The following GRK5 variants were observed in gnomAD, a reference collection of about 807,000 sequenced individuals.
GRK5 encodes G protein-coupled receptor kinase 5.
In GRK5, 40 loss-of-function variants were observed where a neutral mutation model predicts 78.4. The observed-to-expected ratio is 0.51, with a 90% CI of 0.40 to 0.66. The LOEUF (loss-of-function observed/expected upper bound fraction) is 0.66, where lower values mean the gene tolerates loss of function less well. GRK5 is among the 30% of genes least tolerant of loss of function. The pLI is 0.00. For missense variants in GRK5, 598 were observed against 759.9 expected (o/e 0.79, Z 2.50); for synonymous variants, 289 against 296.8 (o/e 0.97, Z 0.27).
chr10:119,406,392 A>G, intron 4 of GRK5: 1 of 911,604 alleles, frequency 1.1e-6, no homozygotes, highest in Non-Finnish European at 1.3e-6. Flanking sequence ...TCCTGCTTAG[A>G]GTCTGCCTGA....
At chr10:119,212,979 T>C (rs1343965796) in intron 1 of GRK5, 1 of 152,152 alleles carries the variant, frequency 6.6e-6, no homozygotes, top group Non-Finnish European at 1.5e-5. Context: ...AAGCTCGGCA[T>C]CAATATGGTG....
chr10:119,216,051 T>C (rs551888457), intron 1 of GRK5, among the ~76,000 whole-genome samples: 1 of 152,344 alleles, frequency 6.6e-6, no homozygotes, highest in South Asian at 2.1e-4. Context: ...AAAAACTGTT[T>C]CTTGTGAGAT....
intron 13 of GRK5, among the ~76,000 whole-genome samples, chr10:119,450,938 C>T (rs1371963389): frequency 6.6e-6 from 1 of 151,318 alleles, no homozygotes; most frequent in Non-Finnish European, 1.5e-5. Flanking sequence ...CCAGGCTGCA[C>T]GCCAACCCCC....
chr10:119,274,662 C>T (rs1480519321), intron 1 of GRK5, among the ~76,000 whole-genome samples: 4 of 151,706 alleles, frequency 2.6e-5, no homozygotes, highest in Admixed American at 2.0e-4. Flanking sequence ...GACTGTTGCC[C>T]ACAGCTGGAG....
intron 2 of GRK5, among the ~76,000 whole-genome samples, chr10:119,335,643 G>A (rs936909133): frequency 2.0e-5 from 3 of 152,250 alleles, no homozygotes; most frequent in African/African-American, 7.2e-5. Flanking sequence ...GATTACAGGC[G>A]TGAGCCACTG....
At chr10:119,229,336 G>A (rs200173812) in intron 1 of GRK5, among the ~76,000 whole-genome samples, 2 of 152,114 alleles carry the variant, frequency 1.3e-5, no homozygotes, top group Non-Finnish European at 2.9e-5. Flanking sequence ...ATAAAATGAC[G>A]GTTGGTGGAA....
intron 1 of GRK5, among the ~76,000 whole-genome samples, chr10:119,268,348 C>T (rs973547075): frequency 6.6e-6 from 1 of 152,228 alleles, no homozygotes; most frequent in African/African-American, 2.4e-5. Context: ...AGAGAATTCA[C>T]TGCCGGAGAA....
At position 119,396,743 on chromosome 10, in the gene GRK5, G is replaced by A. The variant is rs1396611064; in HGVS notation, c.310G>A (p.Glu104Lys). The change falls in exon 4 of 16, where the codon GAA becomes AAA. Residue 104 changes from glutamate to lysine, a missense_variant. Coordinates refer to ENST00000392870, the MANE Select transcript of GRK5 (RefSeq NM_005308.3). ...TGAAAAACTGGGAGAGAAAGGGAAGGAAATTATGACCAAGTACCTCACCCC... is the reference window on the plus strand; with the variant it reads ...TGAAAAACTGGGAGAGAAAGGGAAGAAAATTATGACCAAGTACCTCACCCC... Reference protein sequence around the residue: ...PDEKLGEKGKEIMTKYLTPKS... With the variant: ...PDEKLGEKGKKIMTKYLTPKS... 1 of 1,613,872 alleles carries A rather than the reference G, an allele frequency of 6.2e-7. No homozygotes were observed.
chr10:119,343,656 C>G (rs112512828), intron 2 of GRK5, among the ~76,000 whole-genome samples: 158 of 152,302 alleles, frequency 1.0e-3, no homozygotes, highest in African/African-American at 3.5e-3. Flanking sequence ...GGGCTCTATG[C>G]AGAGGTCATG....
At chr10:119,380,284 G>A (rs559839584) in intron 2 of GRK5, among the ~76,000 whole-genome samples, 1 of 152,106 alleles carries the variant, frequency 6.6e-6, no homozygotes, top group African/African-American at 2.4e-5. Context: ...TAATTTCCCA[G>A]CTCTCACCTC....
intron 1 of GRK5, among the ~76,000 whole-genome samples, chr10:119,290,416 G>A (rs1288535633): frequency 1.3e-5 from 2 of 150,070 alleles, no homozygotes; most frequent in African/African-American, 4.9e-5. Flanking sequence ...TAACCTCTAC[G>A]GCTGTTATTC....
chr10:119,294,995 C>T (rs1320306979), intron 1 of GRK5, among the ~76,000 whole-genome samples: 1 of 151,960 alleles, frequency 6.6e-6, no homozygotes, highest in Non-Finnish European at 1.5e-5. Context: ...TCGAGACCAT[C>T]CTGGCTAACA....
chr10:119,266,639 G>A (rs1456842342), intron 1 of GRK5, among the ~76,000 whole-genome samples: 1 of 151,942 alleles, frequency 6.6e-6, no homozygotes, highest in East Asian at 1.9e-4. Flanking sequence ...TCCTGTGGCT[G>A]GAGGAGGAAG....
At chr10:119,341,090 G>A (rs1272402218) in intron 2 of GRK5, among the ~76,000 whole-genome samples, 1 of 152,056 alleles carries the variant, frequency 6.6e-6, no homozygotes, top group African/African-American at 2.4e-5. Context: ...TCCAGGTCCC[G>A]ATGCCTCGGC....
rs192049646 is a variant in GRK5, at chr10:119,308,513, C to A, written c.53-18003C>A. Among the ~76,000 whole-genome samples, 43 of 152,346 alleles carry A rather than the reference C, an allele frequency of 2.8e-4. No individual in the cohort carries two copies. The East Asian group carries it at 7.7e-3, about 27-fold the overall frequency. ...GACTCCTCCCCAGGAGCAGCCCACT[C>A]CATGGAGCTTCCCTTGGCCCCAAGT... On this transcript the variant is annotated intron_variant, in intron 1 of 15. Transcript: ENST00000392870.
chr10:119,411,776 C>T (rs1201579635), intron 4 of GRK5, among the ~76,000 whole-genome samples: 1 of 148,954 alleles, frequency 6.7e-6, no homozygotes, highest in Non-Finnish European at 1.5e-5. Context: ...TACTCCGTCT[C>T]AATTAACAAA....
intron 3 of GRK5, among the ~76,000 whole-genome samples, chr10:119,386,390 GC>G (rs966109788): frequency 1.9e-4 from 29 of 152,312 alleles, no homozygotes; most frequent in African/African-American, 6.7e-4. Flanking sequence ...GTGAGGCTAA[GC>G]CTAGGAGTCG....
At chr10:119,372,968 C>T (rs184997904) in intron 2 of GRK5, among the ~76,000 whole-genome samples, 2 of 152,302 alleles carry the variant, frequency 1.3e-5, no homozygotes, top group South Asian at 2.1e-4. Context: ...AAGTGTGGTT[C>T]GTGGACTGAT....
At chr10:119,327,777 C>T (rs1444088933) in intron 2 of GRK5, among the ~76,000 whole-genome samples, 5 of 152,314 alleles carry the variant, frequency 3.3e-5, no homozygotes, top group South Asian at 4.1e-4. Context: ...TGTGCCCCGC[C>T]CCACGACGGC....
Sources: gnomAD v4.1 joint callset for allele counts (sites outside exome capture counted in the v4.1 genomes callset) on GRCh38, gnomAD v4.1.1 for gene constraint, MANE v1.5 for transcripts, NCBI Gene and HGNC (gene_info 2026-07-23, HGNC 2026-07-21) for gene names.